DEPDC4: variants seen among roughly 807,000 people sequenced by gnomAD.
DEPDC4 encodes the protein DEP domain containing 4.
A neutral mutation model predicts 52.0 loss-of-function variants in DEPDC4; 52 were observed. The observed-to-expected ratio is 1.00, with a 90% CI of 0.80 to 1.26. DEPDC4 has a LOEUF of 1.26. DEPDC4 is among the 50% of genes most tolerant of loss of function. The pLI is 0.00. For missense variants in DEPDC4, 530 were observed against 546.9 expected, an observed-to-expected ratio of 0.97 and a Z score of 0.31; for synonymous variants, 201 against 196.8, an observed-to-expected ratio of 1.02 and a Z score of -0.18.
At chr12:100,253,762 A>C in intron 4 of DEPDC4, 47 bp from the exon 5 acceptor site, 1 of 1,022,624 alleles carries the variant, frequency 9.8e-7, no homozygotes, top group Non-Finnish European at 1.3e-6. Flanking sequence ...TAACATTTCC[A>C]TTTAACTAAA....
chr12:100,235,005 G>A (rs1226100393), intron 9 of DEPDC4, among the ~76,000 whole-genome samples: 2 of 151,830 alleles, frequency 1.3e-5, no homozygotes, highest in Non-Finnish European at 2.9e-5. Flanking sequence ...AAGTTTCATT[G>A]TTTACAAACG....
the DEPDC4 span, among the ~76,000 whole-genome samples, chr12:100,272,747 G>T: frequency 1.3e-5 from 2 of 151,748 alleles, no homozygotes; most frequent in Non-Finnish European, 2.9e-5. Flanking sequence ...TTCTTCTCTT[G>T]GTTTTAACTT....
At chr12:100,255,467 G>A (rs1004828826) in intron 4 of DEPDC4, among the ~76,000 whole-genome samples, 2 of 152,244 alleles carry the variant, frequency 1.3e-5, no homozygotes. Flanking sequence ...GCTCACATGG[G>A]AGGAAGCACT....
At chr12:100,278,630 CTTTTT>C in the DEPDC4 span, among the ~76,000 whole-genome samples, 1 of 120,520 alleles carries the variant, frequency 8.3e-6, no homozygotes, top group Non-Finnish European at 1.7e-5. Context: ...TGGGGAAATT[CTTTTT>C]TTTTTTTTTT....
At chr12:100,266,878 C>G in intron 1 of DEPDC4, 42 bp downstream of exon 1, 1 of 1,590,400 alleles carries the variant, frequency 6.3e-7, no homozygotes, top group Non-Finnish European at 8.6e-7. Context: ...CAGCTGCCCC[C>G]TCCACCTTCA....
intron 1 of DEPDC4, among the ~76,000 whole-genome samples, chr12:100,264,376 G>C (rs2096264511): frequency 6.6e-6 from 1 of 152,050 alleles, no homozygotes; most frequent in South Asian, 2.1e-4. Context: ...GTTTAAACCA[G>C]CTGTTTAAAA....
At chr12:100,251,712 C>A (rs917142726) in intron 7 of DEPDC4, among the ~76,000 whole-genome samples, 5 of 151,974 alleles carry the variant, frequency 3.3e-5, no homozygotes, top group Non-Finnish European at 7.4e-5. Flanking sequence ...GGATTACAGG[C>A]ACGCGCCACC....
upstream of DEPDC4, among the ~76,000 whole-genome samples, chr12:100,270,954 T>C (rs1199101948): frequency 3.3e-5 from 5 of 151,778 alleles, no homozygotes; most frequent in Admixed American, 1.3e-4. Flanking sequence ...TTCAGTTTTT[T>C]ATGTTCGTTT....
intron 3 of DEPDC4, among the ~76,000 whole-genome samples, chr12:100,256,645 G>GT (rs781643551): frequency 2.3e-3 from 302 of 128,854 alleles, no homozygotes; most frequent in Middle Eastern, 9.1e-3. Context: ...TGTGTTTTTT[G>GT]TTTTTTTTTT....
chr12:100,277,262 T>A, the DEPDC4 span, among the ~76,000 whole-genome samples: 1 of 152,190 alleles, frequency 6.6e-6, no homozygotes, highest in Non-Finnish European at 1.5e-5. Context: ...GAGTGTGTGT[T>A]TTAGGTCAGG....
chr12:100,266,834 A>C, intron 1 of DEPDC4, 86 bp downstream of exon 1: 1 of 1,497,032 alleles, frequency 6.7e-7, no homozygotes, highest in Non-Finnish European at 9.0e-7. Flanking sequence ...GCCCTGGACC[A>C]ATGAGGAGCA....
downstream of DEPDC4, among the ~76,000 whole-genome samples, chr12:100,236,864 T>C (rs1217874985): frequency 2.0e-5 from 3 of 152,198 alleles, no homozygotes; most frequent in Non-Finnish European, 4.4e-5. Context: ...TTGTATAAGG[T>C]GAGAGATGAG....
At chr12:100,280,572 A>T in the DEPDC4 span, among the ~76,000 whole-genome samples, 2 of 152,204 alleles carry the variant, frequency 1.3e-5, no homozygotes, top group Non-Finnish European at 2.9e-5. Flanking sequence ...CATCATCACA[A>T]TTAGAGTCTA....
At chr12:100,258,254 T>C (rs1322878598) in intron 3 of DEPDC4, among the ~76,000 whole-genome samples, 1 of 151,988 alleles carries the variant, frequency 6.6e-6, no homozygotes, top group Non-Finnish European at 1.5e-5. Flanking sequence ...ATAAGAAAAC[T>C]GGAGGATACA....
intron 7 of DEPDC4, among the ~76,000 whole-genome samples, chr12:100,250,410 G>A (rs1223315727): frequency 1.3e-5 from 2 of 152,032 alleles, no homozygotes; most frequent in Non-Finnish European, 2.9e-5. Flanking sequence ...AGTAGAGACT[G>A]GGTTTCACCA....
At position 100,241,748 on chromosome 12, in the gene DEPDC4, A is replaced by G; in HGVS notation, c.*144T>C. 1 of 1,277,414 alleles carries G rather than the reference A, an allele frequency of 7.8e-7. No homozygotes were observed. Among genetic ancestry groups the G allele is most frequent in the Non-Finnish European group, 1.0e-6 (1 of 982,820 alleles). The allele number at this position is 1,277,414 out of a possible 1,614,324, so 79.1% of individuals were successfully genotyped here. On this transcript the variant is annotated 3_prime_UTR_variant, in exon 10 of 10. Transcript: ENST00000550587. ...TTCGTTTCAGAGAGATGCTGGGGTTACTATTAATCTCAAGAGCCAACTGGT... is the reference window on the plus strand; with the variant it reads ...TTCGTTTCAGAGAGATGCTGGGGTTGCTATTAATCTCAAGAGCCAACTGGT...
At chr12:100,273,460 T>G in the DEPDC4 span, among the ~76,000 whole-genome samples, 3,764 of 152,264 alleles carry the variant, frequency 0.025, 153 homozygotes, top group African/African-American at 0.085. Flanking sequence ...TCATAGCTTA[T>G]TTTTCATTTA....
chr12:100,276,968 A>T, the DEPDC4 span, among the ~76,000 whole-genome samples: 1 of 152,224 alleles, frequency 6.6e-6, no homozygotes, highest in African/African-American at 2.4e-5. Context: ...AAAATATTTT[A>T]AAAATTTCTT....
chr12:100,259,070 CA>C (rs753948687), intron 3 of DEPDC4, among the ~76,000 whole-genome samples: 1,989 of 121,618 alleles, frequency 0.016, 100 homozygotes, highest in Admixed American at 0.11. Flanking sequence ...AAATCTGTCT[CA>C]AAAAAAAAAA....
Sources: gnomAD v4.1 joint callset for allele counts (sites outside exome capture counted in the v4.1 genomes callset) on GRCh38, gnomAD v4.1.1 for gene constraint, MANE v1.5 for transcripts, NCBI Gene and HGNC (gene_info 2026-07-23, HGNC 2026-07-21) for gene names.